DOCK4: variants seen among roughly 807,000 people sequenced by gnomAD.
DOCK4 encodes the protein dedicator of cytokinesis protein 4.
In DOCK4, 97 loss-of-function variants were observed where a neutral mutation model predicts 268.1. That is an observed-to-expected ratio of 0.36 (90% CI 0.31 to 0.43). DOCK4 has a LOEUF of 0.43. Among genes scored for constraint, DOCK4 ranks in the 20% least tolerant of loss-of-function variants. The pLI is 1.00. For missense variants in DOCK4, 2,145 were observed against 2,455.7 expected (o/e 0.87, Z 2.67); for synonymous variants, 954 against 887.2 (o/e 1.08, Z -1.34).
At chr7:111,931,377 G>A (rs751125922) in intron 12 of DOCK4, among the ~76,000 whole-genome samples, 32 of 152,184 alleles carry the variant, frequency 2.1e-4, no homozygotes, top group African/African-American at 7.2e-4. Flanking sequence ...GAAAAGGGTG[G>A]TTTGGATCTC....
At chr7:112,113,687 C>T (rs1280804267) in intron 1 of DOCK4, among the ~76,000 whole-genome samples, 2 of 149,480 alleles carry the variant, frequency 1.3e-5, no homozygotes, top group South Asian at 2.1e-4. Context: ...AATCCTCATC[C>T]CTCCTGAGTA....
chr7:111,848,812 C>T (rs986497838), intron 23 of DOCK4, among the ~76,000 whole-genome samples: 4 of 152,124 alleles, frequency 2.6e-5, no homozygotes, highest in African/African-American at 7.2e-5. Context: ...GTCTGAGTAA[C>T]AAGTATCAAA....
intron 52 of DOCK4, among the ~76,000 whole-genome samples, chr7:111,730,124 G>T (rs762997795): frequency 6.6e-6 from 1 of 152,120 alleles, no homozygotes; most frequent in Admixed American, 6.5e-5. Flanking sequence ...CAGCTGTCTG[G>T]CCCCATTTGG....
In DOCK4 at chr7:111,726,538, C is replaced by T. The variant is rs1237796895; in HGVS notation, c.*1736G>A. On this transcript the variant is annotated 3_prime_UTR_variant, in exon 53 of 53. Coordinates refer to ENST00000428084, the MANE Select transcript of DOCK4 (RefSeq NM_001363540.2). The stretch of plus-strand genomic sequence containing the variant: ...AGCTAGTTCAAAAAATTTCTGACTG[C>T]AAAACTTGCAAGATACAAAGCTAAA... The T allele has an allele frequency of 6.6e-6, 1 of 152,434 alleles. No individual in the cohort carries two copies. The highest frequency in any genetic ancestry group is 1.5e-5 in the Non-Finnish European group (1 of 68,008). The allele number at this position is 152,434 out of a possible 1,614,324, so 9.4% of individuals were successfully genotyped here.
At position 112,091,745 on chromosome 7, in the gene DOCK4, C is replaced by T. The variant is rs561262111; in HGVS notation, c.38-87614G>A. 2.0e-5 allele frequency among the ~76,000 whole-genome samples: 3 copies of T among 152,214 alleles called. No individual in the cohort carries two copies. In the South Asian group the frequency reaches 6.2e-4, roughly 32 times the overall value. ...GAGAGGAAGGCTGTACCCACTGATG[C>T]CCCTAGTTAATACTGTGTCCTCCTG... On this transcript the variant is annotated intron_variant, in intron 1 of 52. Coordinates refer to ENST00000428084, the MANE Select transcript of DOCK4 (RefSeq NM_001363540.2).
intron 1 of DOCK4, among the ~76,000 whole-genome samples, chr7:112,052,671 C>T (rs942186548): frequency 1.3e-5 from 2 of 152,036 alleles, no homozygotes; most frequent in Non-Finnish European, 2.9e-5. Flanking sequence ...GATTTGCTGC[C>T]TCCCACTCAC....
At chr7:112,204,217 G>A (rs1368195453) in intron 1 of DOCK4, among the ~76,000 whole-genome samples, 1 of 152,188 alleles carries the variant, frequency 6.6e-6, no homozygotes, top group Admixed American at 6.5e-5. Context: ...AAAGGCAAGA[G>A]AGGAACTAAT....
chr7:111,812,921 G>A (rs1256585156), intron 27 of DOCK4, among the ~76,000 whole-genome samples: 2 of 152,174 alleles, frequency 1.3e-5, no homozygotes, highest in African/African-American at 2.4e-5. Flanking sequence ...TAGGTAGCTC[G>A]CTGGGGAGAT....
At chr7:111,983,666 T>C (rs1342144897) in intron 7 of DOCK4, among the ~76,000 whole-genome samples, 2 of 151,790 alleles carry the variant, frequency 1.3e-5, no homozygotes, top group East Asian at 3.9e-4. Context: ...AAAACTCAAG[T>C]CATAAGTGAG....
intron 12 of DOCK4, among the ~76,000 whole-genome samples, chr7:111,933,928 G>A (rs958649328): frequency 6.6e-6 from 1 of 152,196 alleles, no homozygotes; most frequent in African/African-American, 2.4e-5. Context: ...TCTGTCTACA[G>A]TGGTTTTCTC....
chr7:112,015,491 T>G (rs1801737670), intron 1 of DOCK4, among the ~76,000 whole-genome samples: 1 of 152,190 alleles, frequency 6.6e-6, no homozygotes, highest in Non-Finnish European at 1.5e-5. Context: ...TGCTTTCACT[T>G]TGCTCGGTGG....
intron 30 of DOCK4, among the ~76,000 whole-genome samples, chr7:111,803,064 G>A (rs1002170081): frequency 2.0e-5 from 3 of 152,070 alleles, no homozygotes; most frequent in Non-Finnish European, 2.9e-5. Context: ...TCCTTTGATG[G>A]TCTTAAAACA....
chr7:112,167,147 CAATT>C (rs1817677750), intron 1 of DOCK4, among the ~76,000 whole-genome samples: 1 of 152,180 alleles, frequency 6.6e-6, no homozygotes, highest in South Asian at 2.1e-4. Context: ...CCCAGCATCT[CAATT>C]AAGAGATGCT....
At chr7:112,059,427 C>A (rs886322338) in intron 1 of DOCK4, among the ~76,000 whole-genome samples, 36 of 152,092 alleles carry the variant, frequency 2.4e-4, no homozygotes, top group African/African-American at 8.0e-4. Context: ...CAGGCGCGAG[C>A]CACCACCCCA....
chr7:112,107,953 C>A (rs1811278459), intron 1 of DOCK4, among the ~76,000 whole-genome samples: 1 of 152,092 alleles, frequency 6.6e-6, no homozygotes, highest in Admixed American at 6.5e-5. Context: ...GGCAGGAGTG[C>A]CCATAAAAGA....
intron 1 of DOCK4, among the ~76,000 whole-genome samples, chr7:112,178,029 T>C (rs1011972851): frequency 2.0e-5 from 3 of 152,156 alleles, no homozygotes; most frequent in South Asian, 2.1e-4. Flanking sequence ...AATAAACAAA[T>C]TGTATTAAGT....
chr7:112,187,667 A>G (rs1417324938), intron 1 of DOCK4, among the ~76,000 whole-genome samples: 1 of 152,196 alleles, frequency 6.6e-6, no homozygotes, highest in Non-Finnish European at 1.5e-5. Context: ...TCATGCCATG[A>G]TGACATTCTG....
intron 36 of DOCK4, among the ~76,000 whole-genome samples, 162 bp from the exon 37 acceptor site, chr7:111,769,839 C>G (rs773899385): frequency 1.3e-5 from 2 of 152,084 alleles, no homozygotes; most frequent in Admixed American, 1.3e-4. Flanking sequence ...GGGTAATGAA[C>G]GAGGACTTCC....
chr7:112,206,206 C>T lies in DOCK4; in HGVS notation c.-68G>A. 6.7e-7 allele frequency: 1 copy of T among 1,502,346 alleles called. No individual in the cohort carries two copies. The highest frequency in any genetic ancestry group is 9.1e-7 in the Non-Finnish European group (1 of 1,102,478). 93.1% of individuals were successfully genotyped at this position (1,502,346 alleles called of 1,614,324 possible). On this transcript the variant is annotated 5_prime_UTR_variant, in exon 1 of 53. Coordinates refer to ENST00000428084, the MANE Select transcript of DOCK4 (RefSeq NM_001363540.2). ...GCCCCTTCTCCGGCTCACAACAATGCACAGTCCCCGAGCAGCGCTGCAGTG... is the reference window on the plus strand; with the variant it reads ...GCCCCTTCTCCGGCTCACAACAATGTACAGTCCCCGAGCAGCGCTGCAGTG...
Sources: gnomAD v4.1 joint callset for allele counts (sites outside exome capture counted in the v4.1 genomes callset) on GRCh38, gnomAD v4.1.1 for gene constraint, MANE v1.5 for transcripts, NCBI Gene and HGNC (gene_info 2026-07-23, HGNC 2026-07-21) for gene names.